The following PTGFRN variants were observed in gnomAD, a reference collection of about 807,000 sequenced individuals.
PTGFRN encodes prostaglandin F2 receptor inhibitor.
A neutral mutation model predicts 83.2 loss-of-function variants in PTGFRN; 35 were observed. That is an observed-to-expected ratio of 0.42 (90% CI 0.32 to 0.56). The LOEUF is 0.56. Among genes scored for constraint, PTGFRN ranks in the 20% least tolerant of loss-of-function variants. The probability of loss-of-function intolerance (pLI) is 0.11; values close to 1 mark genes in which losing one functional copy is unlikely to be tolerated. For missense variants in PTGFRN, 1,051 were observed against 1,179.5 expected (o/e 0.89, Z 1.60); for synonymous variants, 519 against 498.6 (o/e 1.04, Z -0.55).
intron 1 of PTGFRN, among the ~76,000 whole-genome samples, chr1:116,916,335 C>T (rs1385899566): frequency 6.6e-6 from 1 of 152,134 alleles, no homozygotes; most frequent in South Asian, 2.1e-4. Context: ...GGAATTGTGC[C>T]TAAGGGTTCC....
chr1:116,956,115 C>A (rs1650479863), intron 4 of PTGFRN, among the ~76,000 whole-genome samples: 1 of 152,186 alleles, frequency 6.6e-6, no homozygotes, highest in South Asian at 2.1e-4. Context: ...AGAACCTGCT[C>A]CTACTCCTAC....
rs191153149 is a variant in PTGFRN, at chr1:116,912,526, C to G, written c.49+2274C>G. On this transcript the variant is annotated intron_variant, in intron 1 of 8. Coordinates refer to ENST00000393203, the MANE Select transcript of PTGFRN (RefSeq NM_020440.4). ...TAGTCTCTCAATTCTTGGCTCTCCCCGTACCACAGACTCCAGCTTCTTTCT... is the reference window on the plus strand; with the variant it reads ...TAGTCTCTCAATTCTTGGCTCTCCCGGTACCACAGACTCCAGCTTCTTTCT... Among the ~76,000 whole-genome samples, 39 of 152,310 alleles carry G rather than the reference C, an allele frequency of 2.6e-4. No individual in the cohort carries two copies. In the East Asian group the frequency reaches 6.0e-3, roughly 23 times the overall value.
At chr1:116,954,252 C>G (rs753558317) in intron 4 of PTGFRN, among the ~76,000 whole-genome samples, 40 of 152,174 alleles carry the variant, frequency 2.6e-4, no homozygotes, top group Non-Finnish European at 4.9e-4. Context: ...CATCCATCCT[C>G]ATAATGGTTC....
intron 1 of PTGFRN, among the ~76,000 whole-genome samples, chr1:116,939,771 A>G (rs1050964070): frequency 1.3e-5 from 2 of 152,202 alleles, no homozygotes; most frequent in African/African-American, 4.8e-5. Flanking sequence ...ATAAAACTGA[A>G]TACCTTTAAA....
rs140517703 is a variant in PTGFRN at position 116,961,519 on chromosome 1, C to T, written c.1490C>T (p.Thr497Met). 2.2e-5 allele frequency: 36 copies of T among 1,614,118 alleles called. No homozygotes were observed. The highest frequency in any genetic ancestry group is 4.5e-5 in the East Asian group (2 of 44,874). The change falls in exon 5 of 9, where the codon ACG becomes ATG. Residue 497 changes from threonine to methionine, a missense_variant. Thr to Met is a moderately conservative substitution (Grantham distance 81). This residue lies in a region of PTGFRN where 719 missense variants were observed against 836.6 expected (regional missense o/e 0.86). Coordinates refer to ENST00000393203, the MANE Select transcript of PTGFRN (RefSeq NM_020440.4). This position sits in a 1 kb window ranked among gnomAD's most constrained non-coding sequence, Gnocchi z 5.4. Reference protein sequence around the residue: ...DFIFSKEHTDTFNFRIQRTTE... With the variant: ...DFIFSKEHTDMFNFRIQRTTE... ...ATTTTTTCTAAGGAACATACAGACA[C>T]GTTCAATTTCCGGATCCAAAGGACT... is the stretch of plus-strand genomic sequence containing the variant.
At chr1:116,963,860 C>T (rs1000220871) in intron 5 of PTGFRN, among the ~76,000 whole-genome samples, 1 of 151,892 alleles carries the variant, frequency 6.6e-6, no homozygotes, top group East Asian at 1.9e-4. Context: ...TAGCTTCAGC[C>T]TCCTAGGTAG....
At chr1:116,938,218 C>A (rs976652310) in intron 1 of PTGFRN, among the ~76,000 whole-genome samples, 2 of 152,106 alleles carry the variant, frequency 1.3e-5, no homozygotes, top group Admixed American at 1.3e-4. Flanking sequence ...CCTTAAGAAA[C>A]ATAAGTAGGC....
intron 5 of PTGFRN, among the ~76,000 whole-genome samples, chr1:116,966,230 T>A (rs1163772252): frequency 2.0e-5 from 3 of 152,258 alleles, no homozygotes; most frequent in Non-Finnish European, 2.9e-5. Flanking sequence ...CAAGGAGTAA[T>A]CCACTTAAAC....
intron 3 of PTGFRN, among the ~76,000 whole-genome samples, chr1:116,947,311 TTGTC>T (rs1221810838): frequency 4.6e-5 from 7 of 152,212 alleles, no homozygotes; most frequent in African/African-American, 1.4e-4. Context: ...GCTGCAAACT[TTGTC>T]TGATTTATGG....
In PTGFRN at chr1:116,981,186, C is replaced by CATT. The variant is rs148483995; in HGVS notation, c.2168-3492_2168-3490dup. Among the ~76,000 whole-genome samples, 634 of 152,288 alleles carry CATT rather than the reference C, an allele frequency of 4.2e-3. 12 individuals are homozygous for CATT. Among genetic ancestry groups the CATT allele is most frequent in the East Asian group, 0.037 (192 of 5,184 alleles). ...CTTTGACCCTTAAGACTTGAAAGAA[C>CATT]ATTAAATGCACTCAGGGGATCTCTG... is the stretch of plus-strand genomic sequence containing the variant. On this transcript the variant is annotated intron_variant, in intron 7 of 8. Coordinates refer to ENST00000393203, the MANE Select transcript of PTGFRN (RefSeq NM_020440.4).
intron 3 of PTGFRN, among the ~76,000 whole-genome samples, chr1:116,948,688 G>A (rs1650260932): frequency 6.6e-6 from 1 of 152,192 alleles, no homozygotes; most frequent in Admixed American, 6.5e-5. Context: ...AATCACCCAA[G>A]TTTCATCATG....
chr1:116,956,098 C>T (rs1235010622), intron 4 of PTGFRN, among the ~76,000 whole-genome samples: 2 of 152,172 alleles, frequency 1.3e-5, no homozygotes, highest in East Asian at 1.9e-4. Context: ...AAAACAAAAA[C>T]GAAATCAGAA....
rs1649592713 is a variant in PTGFRN at position 116,923,864 on chromosome 1, T to A, written c.49+13612T>A. Among the ~76,000 whole-genome samples the A allele has an allele frequency of 6.6e-6, 1 of 152,160 alleles. No homozygotes were observed. Among genetic ancestry groups the A allele is most frequent in the South Asian group, 2.1e-4 (1 of 4,834 alleles). ...ATCTGCCCCATGTCGAGCATTATTC[T>A]GGATCTGGGGGCACCTAAAAACATA... On this transcript the variant is annotated intron_variant, in intron 1 of 8. Transcript: ENST00000393203. This position sits in a 1 kb window ranked among gnomAD's most constrained non-coding sequence, Gnocchi z 4.0.
At chr1:116,962,131 G>A (rs1022550203) in intron 5 of PTGFRN, among the ~76,000 whole-genome samples, 2 of 151,992 alleles carry the variant, frequency 1.3e-5, no homozygotes, top group Admixed American at 1.3e-4. Context: ...GGTCGTTTTC[G>A]CTCACTCCTA....
In PTGFRN at chr1:116,941,587, T is replaced by A; in HGVS notation, c.50-128T>A. ...GGCTTAACCTTCTGCATAGATACAT[T>A]TTCCCTAGTAGTTTGGCTGTCACGT... On this transcript the variant is annotated intron_variant, in intron 1 of 8. Coordinates refer to ENST00000393203, the MANE Select transcript of PTGFRN (RefSeq NM_020440.4). This position sits in a 1 kb window ranked among gnomAD's most constrained non-coding sequence, Gnocchi z 5.0. The A allele has an allele frequency of 7.8e-7, 1 of 1,285,964 alleles. No homozygotes were observed. The highest frequency in any genetic ancestry group is 1.4e-5 in the South Asian group (1 of 69,408). The allele number at this position is 1,285,964 out of a possible 1,614,324, so 79.7% of individuals were successfully genotyped here.
intron 4 of PTGFRN, among the ~76,000 whole-genome samples, chr1:116,950,759 T>G (rs1411276121): frequency 6.6e-6 from 1 of 152,052 alleles, no homozygotes; most frequent in African/African-American, 2.4e-5. Context: ...ACAATCCGAT[T>G]CCGATGGAGA....
At chr1:116,946,300 G>C (rs1017138729) in intron 3 of PTGFRN, among the ~76,000 whole-genome samples, 1 of 152,162 alleles carries the variant, frequency 6.6e-6, no homozygotes. Flanking sequence ...AAAAGTGGGT[G>C]GTGGAAAAGC....
Position 116,966,900 on chromosome 1 carries a change from A to G in PTGFRN, c.1640-11A>G. The G allele has an allele frequency of 6.3e-7, 1 of 1,581,916 alleles. No individual in the cohort carries two copies. The highest frequency in any genetic ancestry group is 8.6e-7 in the Non-Finnish European group (1 of 1,158,802). Reference sequence around the variant, plus strand: ...TGTTGGAAATCACATCCTTCTGGTCATTCATTCCAGATTCCGTGCTTGTGG... The same window carrying G: ...TGTTGGAAATCACATCCTTCTGGTCGTTCATTCCAGATTCCGTGCTTGTGG... On this transcript the variant is annotated splice_polypyrimidine_tract_variant and intron_variant, in intron 5 of 8. Coordinates refer to ENST00000393203, the MANE Select transcript of PTGFRN (RefSeq NM_020440.4).
chr1:116,915,189 A>G (rs1649374994), intron 1 of PTGFRN, among the ~76,000 whole-genome samples: 1 of 152,236 alleles, frequency 6.6e-6, no homozygotes, highest in Admixed American at 6.5e-5. Context: ...TAGGTGAAGA[A>G]AGATGATAGT....
Sources: gnomAD v4.1 joint callset for allele counts (sites outside exome capture counted in the v4.1 genomes callset) on GRCh38, gnomAD v4.1.1 for gene constraint, gnomAD v4.1.1 regional missense constraint, Gnocchi (gnomAD v3.1) non-coding constraint, MANE v1.5 for transcripts, NCBI Gene and HGNC (gene_info 2026-07-23, HGNC 2026-07-21) for gene names.